RIN2: variants seen among roughly 807,000 people sequenced by gnomAD.
The protein encoded by RIN2 is RAB5 interacting protein 2.
Under a neutral mutation model 78.0 loss-of-function variants are expected in RIN2, and 36 were observed. The ratio of observed to expected loss-of-function variants is 0.46; its 90% CI spans 0.35 to 0.61. The LOEUF (loss-of-function observed/expected upper bound fraction) is 0.61. Among genes scored for constraint, RIN2 ranks in the 20% least tolerant of loss-of-function variants. The pLI, the probability that RIN2 is intolerant of heterozygous loss-of-function variation, is 0.00. For missense variants in RIN2, 1,087 were observed against 1,159.7 expected, an observed-to-expected ratio of 0.94 and a Z score of 0.91; for synonymous variants, 466 against 466.8, an observed-to-expected ratio of 1.00 and a Z score of 0.02.
intron 2 of RIN2, among the ~76,000 whole-genome samples, chr20:19,854,381 A>G (rs1281425162): frequency 1.3e-5 from 2 of 152,236 alleles, no homozygotes; most frequent in Admixed American, 6.5e-5. Flanking sequence ...TTGGTTCCAT[A>G]TGAACTTTAA....
chr20:19,807,378 G>A (rs1168057533), intron 2 of RIN2, among the ~76,000 whole-genome samples: 1 of 152,116 alleles, frequency 6.6e-6, no homozygotes. Flanking sequence ...CTTTGCCAGT[G>A]CTAGTTTTAG....
intron 2 of RIN2, chr20:19,809,038 T>G (rs993587848): frequency 6.6e-6 from 1 of 152,286 alleles, no homozygotes; most frequent in African/African-American, 2.4e-5. Context: ...CTCCAAACCC[T>G]CTGCCTAGGG....
At chr20:19,798,135 G>A (rs7261722) in intron 1 of RIN2, among the ~76,000 whole-genome samples, 15,913 of 152,216 alleles carry the variant, frequency 0.1, 872 homozygotes, top group South Asian at 0.18. Context: ...ACAGGTGTGA[G>A]CCACCACGCC....
intron 3 of RIN2, among the ~76,000 whole-genome samples, chr20:19,908,580 C>G (rs1281402388): frequency 6.6e-6 from 1 of 151,892 alleles, no homozygotes; most frequent in East Asian, 1.9e-4. Flanking sequence ...TCTGTGGAAA[C>G]AATCTCTCAT....
At chr20:19,911,566 A>G (rs774780280) in intron 3 of RIN2, among the ~76,000 whole-genome samples, 8 of 152,160 alleles carry the variant, frequency 5.3e-5, no homozygotes, top group Non-Finnish European at 7.3e-5. Flanking sequence ...TATTATACAC[A>G]CACTGATAAC....
intron 4 of RIN2, among the ~76,000 whole-genome samples, chr20:19,941,439 CCA>C (rs1396057406): frequency 6.6e-6 from 1 of 152,172 alleles, no homozygotes; most frequent in Non-Finnish European, 1.5e-5. Context: ...TGAACCAGAT[CCA>C]CCTTCACTTG....
chr20:19,893,124 A>C (rs2038558612), intron 3 of RIN2, among the ~76,000 whole-genome samples: 1 of 152,226 alleles, frequency 6.6e-6, no homozygotes, highest in Admixed American at 6.5e-5. Flanking sequence ...CCCTGAGAAT[A>C]TATAACCTAA....
chr20:19,880,830 G>A (rs1302164030), intron 2 of RIN2, among the ~76,000 whole-genome samples: 1 of 152,168 alleles, frequency 6.6e-6, no homozygotes, highest in African/African-American at 2.4e-5. Flanking sequence ...GATCTCTAAT[G>A]TCTGGTTCCA....
At chr20:19,771,930 T>C (rs2034140571) in intron 1 of RIN2, among the ~76,000 whole-genome samples, 1 of 152,222 alleles carries the variant, frequency 6.6e-6, no homozygotes, top group South Asian at 2.1e-4. Flanking sequence ...GATCTTGCTC[T>C]GTTGCACAGA....
intron 1 of RIN2, among the ~76,000 whole-genome samples, chr20:19,796,780 T>C (rs1156807657): frequency 2.6e-5 from 4 of 152,206 alleles, no homozygotes; most frequent in Non-Finnish European, 4.4e-5. Flanking sequence ...CCCAAAGAAT[T>C]GAGCCTTGGG....
intron 3 of RIN2, among the ~76,000 whole-genome samples, chr20:19,914,386 G>A (rs903697673): frequency 2.0e-5 from 3 of 152,140 alleles, no homozygotes; most frequent in Non-Finnish European, 4.4e-5. Context: ...GTCTGCACAC[G>A]CTCTGCATTG....
chr20:19,903,468 A>T (rs1055392104), intron 3 of RIN2, among the ~76,000 whole-genome samples: 8 of 152,072 alleles, frequency 5.3e-5, no homozygotes, highest in Non-Finnish European at 1.2e-4. Context: ...TTCCTTTCTC[A>T]TTCTACTTCC....
Position 19,855,592 on chromosome 20 carries a change from G to A in RIN2, c.-36-33974G>A, listed in dbSNP as rs377581016. Among the ~76,000 whole-genome samples, 155 of 152,262 alleles carry A rather than the reference G, an allele frequency of 1.0e-3. 3 individuals are homozygous for A. The South Asian group carries it at 0.014, about 13-fold the overall frequency. On this transcript the variant is annotated intron_variant, in intron 2 of 12. Coordinates refer to ENST00000255006, the MANE Select transcript of RIN2 (RefSeq NM_018993.4). Reference sequence around the variant, plus strand: ...CTGACCATGTAGTCATCAAGTGGTTGTCATTTCCTGAATGTGTACAAGTTT... The same window carrying A: ...CTGACCATGTAGTCATCAAGTGGTTATCATTTCCTGAATGTGTACAAGTTT...
chr20:19,931,798 T>G (rs1455976829), intron 3 of RIN2, among the ~76,000 whole-genome samples: 1 of 152,002 alleles, frequency 6.6e-6, no homozygotes, highest in Non-Finnish European at 1.5e-5. Flanking sequence ...GGTTCATTAA[T>G]TTTTAACTGC....
chr20:19,900,740 C>T lies in RIN2; in HGVS notation c.57+11082C>T, dbSNP rs371224029. Among the ~76,000 whole-genome samples the T allele has an allele frequency of 1.7e-3, 253 of 151,882 alleles. 1 individual carries two copies. Among genetic ancestry groups the T allele is most frequent in the East Asian group, 7.4e-3 (38 of 5,130 alleles). ...CCAAGGTGGGCAGATGTCCTGAGGTCGGGAGTCCCAGACCAGCCTGATCAA... is the reference window on the plus strand; with the variant it reads ...CCAAGGTGGGCAGATGTCCTGAGGTTGGGAGTCCCAGACCAGCCTGATCAA... On this transcript the variant is annotated intron_variant, in intron 3 of 12. Coordinates refer to ENST00000255006, the MANE Select transcript of RIN2 (RefSeq NM_018993.4).
intron 2 of RIN2, among the ~76,000 whole-genome samples, chr20:19,800,015 A>G (rs1007757799): frequency 4.6e-5 from 7 of 152,096 alleles, no homozygotes; most frequent in African/African-American, 1.2e-4. Flanking sequence ...TTTTCAGAGC[A>G]CTCATCATGG....
intron 1 of RIN2, among the ~76,000 whole-genome samples, chr20:19,790,534 G>A (rs1483155654): frequency 6.6e-6 from 1 of 152,144 alleles, no homozygotes; most frequent in East Asian, 1.9e-4. Flanking sequence ...GCTTGCACTT[G>A]TAGTCCTATC....
At chr20:19,838,501 T>C (rs1185723323) in intron 2 of RIN2, among the ~76,000 whole-genome samples, 1 of 152,232 alleles carries the variant, frequency 6.6e-6, no homozygotes, top group East Asian at 1.9e-4. Context: ...TGTTTGTCCA[T>C]TCATTAATTT....
At chr20:19,812,548 G>A (rs933428320) in intron 2 of RIN2, among the ~76,000 whole-genome samples, 3 of 152,082 alleles carry the variant, frequency 2.0e-5, no homozygotes, top group Non-Finnish European at 4.4e-5. Context: ...TGCTTATTTT[G>A]TGTTGGGTTG....
Sources: gnomAD v4.1 joint callset for allele counts (sites outside exome capture counted in the v4.1 genomes callset) on GRCh38, gnomAD v4.1.1 for gene constraint, MANE v1.5 for transcripts, NCBI Gene and HGNC (gene_info 2026-07-23, HGNC 2026-07-21) for gene names.